PCCA: variants seen among roughly 807,000 people sequenced by gnomAD.
PCCA encodes the protein propionyl-CoA carboxylase subunit alpha, also known as propionyl-CoA carboxylase alpha chain, mitochondrial.
A neutral mutation model predicts 101.3 loss-of-function variants in PCCA; 74 were observed. That is an observed-to-expected ratio of 0.73 (90% confidence interval 0.61 to 0.89). The LOEUF (loss-of-function observed/expected upper bound fraction) is 0.89, where lower values mean the gene tolerates loss of function less well. PCCA is among the 40% of genes least tolerant of loss of function. PCCA has a pLI of 0.00. For synonymous variants in PCCA, 294 were observed against 313.6 expected (o/e 0.94, Z 0.66); for missense variants, 891 against 907.0 (o/e 0.98, Z 0.23).
intron 19 of PCCA, among the ~76,000 whole-genome samples, chr13:100,387,843 T>C (rs2076597388): frequency 6.6e-6 from 1 of 152,206 alleles, no homozygotes; most frequent in Non-Finnish European, 1.5e-5. Flanking sequence ...CTTGAATGAC[T>C]CAGTCATGGT....
chr13:100,301,963 T>C (rs1460764487), intron 13 of PCCA, among the ~76,000 whole-genome samples: 1 of 152,172 alleles, frequency 6.6e-6, no homozygotes, highest in Admixed American at 6.5e-5. Context: ...TTTATTTCCA[T>C]GGGTTTTTTA....
intron 2 of PCCA, among the ~76,000 whole-genome samples, chr13:100,110,629 A>T (rs1162183052): frequency 6.6e-6 from 1 of 152,214 alleles, no homozygotes; most frequent in African/African-American, 2.4e-5. Context: ...GGATATATGC[A>T]CAATTAGGTA....
chr13:100,341,979 A>ATATATATATATG (rs966272516), intron 18 of PCCA, among the ~76,000 whole-genome samples: 13 of 114,508 alleles, frequency 1.1e-4, no homozygotes, highest in Non-Finnish European at 1.1e-4. Context: ...ATATATATAT[A>ATATATATATATG]TATGTATTTA....
intron 4 of PCCA, among the ~76,000 whole-genome samples, chr13:100,120,744 T>A (rs369456536): frequency 6.6e-6 from 1 of 152,138 alleles, no homozygotes; most frequent in South Asian, 2.1e-4. Context: ...TTTTTTTATG[T>A]TTCATTTTCC....
intron 22 of PCCA, among the ~76,000 whole-genome samples, chr13:100,523,438 C>G (rs1455289891): frequency 1.3e-5 from 2 of 152,086 alleles, no homozygotes; most frequent in African/African-American, 2.4e-5. Context: ...TTTTGCCGAC[C>G]ATGGCAAGCA....
At chr13:100,319,772 T>G (rs1456197387) in intron 16 of PCCA, among the ~76,000 whole-genome samples, 2 of 152,250 alleles carry the variant, frequency 1.3e-5, no homozygotes, top group East Asian at 3.8e-4. Context: ...GGTAGCATGA[T>G]GCCTCCAGGT....
intron 21 of PCCA, among the ~76,000 whole-genome samples, chr13:100,455,422 C>T (rs1595974654): frequency 6.6e-6 from 1 of 152,300 alleles, no homozygotes; most frequent in East Asian, 1.9e-4. Context: ...AAGTGATATA[C>T]ATTTTTGTTT....
intron 4 of PCCA, among the ~76,000 whole-genome samples, chr13:100,114,741 AC>A (rs2048642954): frequency 1.3e-5 from 2 of 152,230 alleles, no homozygotes; most frequent in South Asian, 4.1e-4. Flanking sequence ...ATAAAATCTT[AC>A]CCCGGTTAAA....
intron 5 of PCCA, among the ~76,000 whole-genome samples, chr13:100,156,171 C>T (rs1019861411): frequency 5.9e-5 from 9 of 152,126 alleles, no homozygotes; most frequent in South Asian, 2.1e-4. Context: ...CAGGTTCAAG[C>T]GATTCTCTTG....
intron 19 of PCCA, among the ~76,000 whole-genome samples, chr13:100,414,218 A>G (rs2078218652): frequency 6.6e-6 from 1 of 152,184 alleles, no homozygotes; most frequent in African/African-American, 2.4e-5. Context: ...TGTTTTTGTC[A>G]TTATTACATA....
At chr13:100,223,147 A>G (rs1044186802) in intron 7 of PCCA, among the ~76,000 whole-genome samples, 2 of 152,150 alleles carry the variant, frequency 1.3e-5, no homozygotes, top group Non-Finnish European at 2.9e-5. Flanking sequence ...GGAGACAGGA[A>G]TTGGGATCAC....
chr13:100,330,997 T>A lies in PCCA; in HGVS notation c.1540+326T>A, dbSNP rs1267871981. Among the ~76,000 whole-genome samples, 3 of 152,292 alleles carry A rather than the reference T, an allele frequency of 2.0e-5. No homozygotes were observed. In the East Asian group the frequency reaches 5.8e-4, roughly 29 times the overall value. On this transcript the variant is annotated intron_variant, in intron 17 of 23. Coordinates refer to ENST00000376285, the MANE Select transcript of PCCA (RefSeq NM_000282.4). ...ATCAAATCAGATTTGTATTTTCTAC[T>A]GAGGTGAGTATATAAGGAACTCTTC...
intron 19 of PCCA, among the ~76,000 whole-genome samples, 186 bp from the exon 20 acceptor site, chr13:100,425,447 C>A (rs2079075198): frequency 1.3e-5 from 2 of 152,230 alleles, no homozygotes; most frequent in South Asian, 4.1e-4. Context: ...GGTCCTTCAC[C>A]TCTCCCCAGA....
intron 21 of PCCA, among the ~76,000 whole-genome samples, chr13:100,470,126 T>A (rs9585443): frequency 3.7e-4 from 56 of 152,082 alleles, no homozygotes; most frequent in African/African-American, 1.3e-3. Flanking sequence ...AAAAATAGAG[T>A]GGGCTTCCTC....
At chr13:100,282,597 G>C in intron 12 of PCCA, among the ~76,000 whole-genome samples, 1 of 152,330 alleles carries the variant, frequency 6.6e-6, no homozygotes, top group East Asian at 1.9e-4. Context: ...GTTGTACTGG[G>C]TCCCCCAGCA....
intron 19 of PCCA, among the ~76,000 whole-genome samples, chr13:100,400,623 TTTAGTTC>T (rs201756777): frequency 0.015 from 1,900 of 123,882 alleles, 163 homozygotes; most frequent in African/African-American, 0.063. Context: ...CTTAGTTCTT[TTTAGTTC>T]TTTTTTTTTT....
At chr13:100,342,526 C>T (rs889481547) in intron 18 of PCCA, among the ~76,000 whole-genome samples, 4 of 151,600 alleles carry the variant, frequency 2.6e-5, no homozygotes, top group African/African-American at 7.3e-5. Flanking sequence ...CCTGGGCCTC[C>T]CAAAGTGCTG....
intron 4 of PCCA, among the ~76,000 whole-genome samples, chr13:100,124,155 A>AT (rs1001042008): frequency 1.3e-5 from 2 of 152,174 alleles, no homozygotes; most frequent in East Asian, 1.9e-4. Context: ...AAGTTTTGAT[A>AT]TTTTTTAAAA....
chr13:100,363,131 TAAA>T (rs1210673911), intron 18 of PCCA, among the ~76,000 whole-genome samples: 1 of 152,178 alleles, frequency 6.6e-6, no homozygotes, highest in Non-Finnish European at 1.5e-5. Flanking sequence ...TTGCACTAGT[TAAA>T]AAACTACTAA....
Sources: gnomAD v4.1 joint callset for allele counts (sites outside exome capture counted in the v4.1 genomes callset) on GRCh38, gnomAD v4.1.1 for gene constraint, MANE v1.5 for transcripts, NCBI Gene and HGNC (gene_info 2026-07-23, HGNC 2026-07-21) for gene names.